Variants in SLC25A44 observed in about 807,000 individuals in gnomAD.
The protein encoded by SLC25A44 is solute carrier family 25 member 44.
Under a neutral mutation model 29.9 loss-of-function variants are expected in SLC25A44, and 17 were observed. That is an observed-to-expected ratio of 0.57 (90% CI 0.39 to 0.85). The LOEUF (loss-of-function observed/expected upper bound fraction) is 0.85. SLC25A44 is among the 40% of genes least tolerant of loss of function. The pLI is 0.00. For synonymous variants in SLC25A44, 140 were observed against 151.8 expected (o/e 0.92, Z 0.57); for missense variants, 302 against 398.4 (o/e 0.76, Z 2.06).
In SLC25A44 at chr1:156,212,385, C is replaced by T. The variant is rs1558185351; in HGVS notation, c.*1954C>T. 1.3e-5 allele frequency: 2 copies of T among 152,414 alleles called. No individual in the cohort carries two copies. The highest frequency in any genetic ancestry group is 6.5e-5 in the Admixed American group (1 of 15,286). The allele number at this position is 152,414 out of a possible 1,614,324, so 9.4% of individuals were successfully genotyped here. A position where few individuals can be genotyped will look rare whatever the true frequency, so the allele number is the denominator to read the frequency against. On this transcript the variant is annotated 3_prime_UTR_variant, in exon 4 of 4. Coordinates refer to ENST00000359511, the MANE Select transcript of SLC25A44 (RefSeq NM_014655.4). ...TTAGTGTTTCTCCCTCAAGACTTTC[C>T]TTCTGTTTTGTTGTCTTGTGCAGTA...
intron 2 of SLC25A44, among the ~76,000 whole-genome samples, chr1:156,207,140 C>A (rs1199787756): frequency 1.3e-5 from 2 of 151,912 alleles, no homozygotes; most frequent in Non-Finnish European, 2.9e-5. Context: ...GAGTTCAAGA[C>A]CAGCCTGCGC....
At chr1:156,207,785 T>C (rs1657046860) in intron 2 of SLC25A44, 101 bp from the exon 3 acceptor site, 1 of 1,324,768 alleles carries the variant, frequency 7.5e-7, no homozygotes, top group East Asian at 2.3e-5. Flanking sequence ...GGTGGAGGGT[T>C]TGTCTGGGTT....
In SLC25A44 at chr1:156,197,557, G is replaced by C. The variant is rs1198181252; in HGVS notation, c.-13-2278G>C. ...GTGGATCACGAGGTCAGGAGATCGA[G>C]ACCATCCTGGCTAACATGGTGAAAC... On this transcript the variant is annotated intron_variant, in intron 1 of 3. Coordinates refer to ENST00000359511, the MANE Select transcript of SLC25A44 (RefSeq NM_014655.4). The C allele has an allele frequency of 2.6e-5, 4 of 152,254 alleles. No homozygotes were observed. In the East Asian group the frequency reaches 7.7e-4, roughly 29 times the overall value. The allele number at this position is 152,254 out of a possible 1,614,324, so 9.4% of individuals were successfully genotyped here.
intron 1 of SLC25A44, among the ~76,000 whole-genome samples, chr1:156,195,522 G>A (rs1332914677): frequency 2.6e-5 from 4 of 152,220 alleles, no homozygotes; most frequent in East Asian, 1.9e-4. Flanking sequence ...CCAAATTTCC[G>A]GTTGCGGCAG....
chr1:156,196,339 C>A (rs1044540356), intron 1 of SLC25A44: 1 of 152,220 alleles, frequency 6.6e-6, no homozygotes, highest in Non-Finnish European at 1.5e-5. Context: ...GCCCTCTCTT[C>A]TGTTGTAGTG....
At chr1:156,194,657 C>T (rs1383899700) in intron 1 of SLC25A44, among the ~76,000 whole-genome samples, 1 of 152,062 alleles carries the variant, frequency 6.6e-6, no homozygotes, top group African/African-American at 2.4e-5. Flanking sequence ...GAGGCATCCC[C>T]AGGCATTCCC....
intron 2 of SLC25A44, among the ~76,000 whole-genome samples, chr1:156,204,684 T>C (rs2736605): frequency 0.41 from 62,736 of 151,386 alleles, 14,491 homozygotes; most frequent in African/African-American, 0.63. Context: ...GATGGGGTTT[T>C]ACCATGTTGG....
chr1:156,208,036 C>T (rs1477127228), intron 3 of SLC25A44, 23 bp downstream of exon 3: 15 of 1,611,106 alleles, frequency 9.3e-6, no homozygotes, highest in Non-Finnish European at 1.3e-5. Flanking sequence ...ACTTCCCTCA[C>T]CCTCCTCCTG....
Position 156,200,254 on chromosome 1 carries a change from A to C in SLC25A44, c.407A>C (p.His136Pro). The C allele has an allele frequency of 6.2e-7, 1 of 1,614,138 alleles. No homozygotes were observed. The highest frequency in any genetic ancestry group is 8.5e-7 in the Non-Finnish European group (1 of 1,180,016). ...ITVPIDVVSQ[H>P]LMMQRKGEKM... ...GTGCCCATTGATGTAGTCTCCCAGC[A>C]CCTGATGATGCAACGCAAGGGTGAG... The change falls in exon 2 of 4, where the codon CAC becomes CCC. Residue 136 changes from histidine to proline, a missense_variant. Physicochemically the swap from His to Pro is moderately conservative, Grantham distance 77. Coordinates refer to ENST00000359511, the MANE Select transcript of SLC25A44 (RefSeq NM_014655.4).
At position 156,199,996 on chromosome 1, in the gene SLC25A44, G is replaced by A; in HGVS notation, c.149G>A (p.Gly50Glu). 2 of 1,614,126 alleles carry A rather than the reference G, an allele frequency of 1.2e-6. No homozygotes were observed. The highest frequency in any genetic ancestry group is 1.7e-6 in the Non-Finnish European group (2 of 1,180,000). The part of the protein sequence containing the change: ...LIRTRLQVQK[G>E]KSLYHGTFDA... ...CGCACCCGGTTGCAAGTTCAGAAGG[G>A]GAAGAGCCTCTACCATGGGACCTTC... Residue 50 changes from glycine to glutamate, a missense_variant, in exon 2 of 4, where the codon GGG becomes GAG. By Grantham distance (98) the Gly-to-Glu change is moderately conservative. Transcript: ENST00000359511.
intron 1 of SLC25A44, 102 bp from the exon 2 acceptor site, chr1:156,199,730 CCAG>C: frequency 2.1e-6 from 2 of 934,500 alleles, no homozygotes; most frequent in East Asian, 2.5e-5. Context: ...AGGTGAGTGT[CCAG>C]GAGATGAGGG....
intron 2 of SLC25A44, among the ~76,000 whole-genome samples, chr1:156,200,922 A>T (rs1406673946): frequency 8.0e-6 from 1 of 125,312 alleles, no homozygotes; most frequent in African/African-American, 3.1e-5. Flanking sequence ...TGCAACCCCC[A>T]CCTCCCGGGT....
chr1:156,210,416 C>T lies in SLC25A44; in HGVS notation c.930C>T (p.Asp310=). 2 of 1,582,232 alleles carry T rather than the reference C, an allele frequency of 1.3e-6. No homozygotes were observed. The highest frequency in any genetic ancestry group is 1.7e-6 in the Non-Finnish European group (2 of 1,165,152). The change falls in exon 4 of 4, where the codon GAC becomes GAT. Residue 310 remains aspartate, a synonymous_variant. Coordinates refer to ENST00000359511, the MANE Select transcript of SLC25A44 (RefSeq NM_014655.4). ...TCAGCCTCCGACCTGAGCTGGTGGA[C>T]TCGAGACACTGGTAACCAGTGGTGG... ...KKLSLRPELV[D]SRHW
intron 2 of SLC25A44, among the ~76,000 whole-genome samples, chr1:156,202,571 G>A (rs529485498): frequency 6.6e-6 from 1 of 152,080 alleles, no homozygotes; most frequent in Admixed American, 6.5e-5. Context: ...TACCCCTGGC[G>A]CAATCATGAC....
Position 156,211,056 on chromosome 1 carries a change from T to TTGTGTGTGTGTGTGTGTGTG in SLC25A44, c.*651_*670dup, listed in dbSNP as rs58631766. 7.9e-5 allele frequency: 11 copies of TTGTGTGTGTGTGTGTGTGTG among 138,964 alleles called. No homozygotes were observed. In the East Asian group the frequency reaches 2.2e-3, roughly 27 times the overall value. 8.6% of individuals were successfully genotyped at this position (138,964 alleles called of 1,614,324 possible). ...TGGGAGAAATGTTGATACTTTTGTT[T>TTGTGTGTGTGTGTGTGTGTG]TGTGTGTGTGTGTGTGTGTGTGTGT... is the stretch of plus-strand genomic sequence containing the variant. On this transcript the variant is annotated 3_prime_UTR_variant, in exon 4 of 4. Coordinates refer to ENST00000359511, the MANE Select transcript of SLC25A44 (RefSeq NM_014655.4).
intron 1 of SLC25A44, 68 bp from the exon 2 acceptor site, chr1:156,199,767 A>C: frequency 7.1e-7 from 1 of 1,412,690 alleles, no homozygotes; most frequent in Non-Finnish European, 9.7e-7. Flanking sequence ...TTCAGAGCCC[A>C]GCCAGAAGGG....
At chr1:156,202,176 C>A (rs888357158) in intron 2 of SLC25A44, among the ~76,000 whole-genome samples, 1 of 152,148 alleles carries the variant, frequency 6.6e-6, no homozygotes, top group Non-Finnish European at 1.5e-5. Flanking sequence ...TCTAGAATTT[C>A]TCTCCCAACT....
intron 2 of SLC25A44, 117 bp downstream of exon 2, chr1:156,200,589 C>A: frequency 2.1e-6 from 2 of 956,866 alleles, no homozygotes; most frequent in Non-Finnish European, 3.1e-6. Flanking sequence ...GGGTCATTCA[C>A]TCAGCAAATG....
rs1192271141 is a variant in SLC25A44 at position 156,211,451 on chromosome 1, GGCAGTGGGTAGATTCTCT to G, written c.*1023_*1040del. The G allele has an allele frequency of 4.6e-5, 7 of 152,382 alleles. No homozygotes were observed. The highest frequency in any genetic ancestry group is 1.3e-4 in the Admixed American group (2 of 15,274). 9.4% of individuals were successfully genotyped at this position (152,382 alleles called of 1,614,324 possible). ...GCCAGCAGAGCCAAACCTAGGAGAG[GGCAGTGGGTAGATTCTCT>G]GCCCCAGGCAGCCATGACATACACA... On this transcript the variant is annotated 3_prime_UTR_variant, in exon 4 of 4. Transcript: ENST00000359511.
Sources: allele counts gnomAD v4.1 joint callset (sites outside exome capture counted in the v4.1 genomes callset), GRCh38; gene constraint gnomAD v4.1.1; transcripts MANE v1.5; gene names NCBI Gene and HGNC (gene_info 2026-07-23, HGNC 2026-07-21).